RFC5: variants seen among roughly 807,000 people sequenced by gnomAD.
RFC5 encodes the protein replication factor C subunit 5.
RFC5 carries 26 observed loss-of-function variants against 44.3 expected under a neutral mutation model. The observed-to-expected ratio is 0.59, with a 90% CI of 0.43 to 0.81. The LOEUF (loss-of-function observed/expected upper bound fraction) is 0.81, where lower values mean the gene tolerates loss of function less well. RFC5 is among the 40% of genes least tolerant of loss of function. The pLI is 0.00. For synonymous variants in RFC5, 155 were observed against 155.2 expected (o/e 1.00, Z 0.01); for missense variants, 328 against 418.6 (o/e 0.78, Z 1.89).
intron 6 of RFC5, 96 bp from the exon 7 acceptor site, chr12:118,025,651 C>G (rs1439152478): frequency 2.6e-6 from 2 of 754,724 alleles, no homozygotes. Flanking sequence ...TCCTTCATCC[C>G]TTTAAAGCCT....
downstream of RFC5, chr12:118,035,126 C>T: frequency 6.2e-7 from 1 of 1,613,286 alleles, no homozygotes; most frequent in Non-Finnish European, 8.5e-7. Context: ...TGGATATTAG[C>T]TGACCCAGGG....
chr12:118,034,774 C>T, downstream of RFC5: 1 of 574,298 alleles, frequency 1.7e-6, no homozygotes, highest in Non-Finnish European at 3.0e-6. Context: ...GGTGGCATGA[C>T]TTACAGATCT....
chr12:118,025,607 T>C (rs1593447301), intron 6 of RFC5, 140 bp from the exon 7 acceptor site: 1 of 600,386 alleles, frequency 1.7e-6, no homozygotes, highest in East Asian at 2.8e-5. Flanking sequence ...CTAGATCATA[T>C]AGATCAGGAG....
chr12:118,027,040 T>C (rs2030996234), intron 8 of RFC5, 22 bp downstream of exon 8: 1 of 1,601,838 alleles, frequency 6.2e-7, no homozygotes, highest in Non-Finnish European at 8.5e-7. Context: ...CATGACCTCC[T>C]GGCCACCGAG....
intron 1 of RFC5, 99 bp from the exon 2 acceptor site, chr12:118,018,973 A>G (rs1343565046): frequency 1.1e-6 from 1 of 889,678 alleles, no homozygotes; most frequent in African/African-American, 1.7e-5. Context: ...TGCTGGGATT[A>G]CAGGCATGAG....
chr12:118,035,390 C>G, downstream of RFC5: 1 of 1,477,756 alleles, frequency 6.8e-7, no homozygotes. Flanking sequence ...CCATCATCAC[C>G]CTAGGCAGGA....
chr12:118,034,270 G>C, downstream of RFC5: 2 of 1,614,188 alleles, frequency 1.2e-6, no homozygotes, highest in Non-Finnish European at 1.7e-6. Flanking sequence ...TAAGTTGTTA[G>C]GAAACTTCGA....
At chr12:118,039,605 A>G in the RFC5 span, among the ~76,000 whole-genome samples, 2 of 152,194 alleles carry the variant, frequency 1.3e-5, no homozygotes, top group South Asian at 2.1e-4. Flanking sequence ...CAGGGAGGGC[A>G]AGAGAGAGAA....
intron 6 of RFC5, chr12:118,025,434 G>A (rs1309216568): frequency 5.6e-6 from 2 of 354,480 alleles, no homozygotes; most frequent in African/African-American, 2.0e-5. Flanking sequence ...AGTTTCGGCT[G>A]TGTGATCATG....
the RFC5 span, among the ~76,000 whole-genome samples, chr12:118,038,729 A>G: frequency 2.6e-5 from 4 of 152,112 alleles, no homozygotes; most frequent in African/African-American, 9.7e-5. Flanking sequence ...CTCCCAGACT[A>G]GAATACAGTG....
chr12:118,040,346 C>T, the RFC5 span, among the ~76,000 whole-genome samples: 1 of 152,166 alleles, frequency 6.6e-6, no homozygotes, highest in Non-Finnish European at 1.5e-5. Flanking sequence ...ATCCCGCCCA[C>T]TCTTGGTCAC....
At chr12:118,035,347 G>A (rs1432631400), downstream of RFC5, 2 of 1,607,032 alleles carry the variant, frequency 1.2e-6, no homozygotes, top group East Asian at 2.2e-5. Flanking sequence ...GAAACAGGAT[G>A]GCAGGCCTGG....
chr12:118,016,933 A>C lies in RFC5; in HGVS notation c.65+41A>C, dbSNP rs768919404. ...GCGGCGGCGGTGGGCAGAGGGGGCCAGGCGGCCGCGCGGGGAGGAGGTGGC... is the reference window on the plus strand; with the variant it reads ...GCGGCGGCGGTGGGCAGAGGGGGCCCGGCGGCCGCGCGGGGAGGAGGTGGC... On this transcript the variant is annotated intron_variant, in intron 1 of 10. Transcript: ENST00000454402. 6.2e-5 allele frequency: 97 copies of C among 1,555,296 alleles called. 3 individuals are homozygous for C. The South Asian group carries it at 1.0e-3, about 17-fold the overall frequency.
the RFC5 span, among the ~76,000 whole-genome samples, chr12:118,039,744 A>AT: frequency 5.6e-4 from 85 of 151,104 alleles, 1 homozygote; most frequent in East Asian, 0.011. Context: ...TTTCTTTTTT[A>AT]TTTTTTTTTA....
At chr12:118,029,273 C>A (rs1593453319) in intron 9 of RFC5, among the ~76,000 whole-genome samples, 1 of 119,400 alleles carries the variant, frequency 8.4e-6, no homozygotes, top group Non-Finnish European at 2.0e-5. Flanking sequence ...TACAAAACAG[C>A]CAGGCAAGGT....
chr12:118,035,197 A>G, downstream of RFC5: 1 of 1,613,964 alleles, frequency 6.2e-7, no homozygotes, highest in Non-Finnish European at 8.5e-7. Flanking sequence ...CCATGTAAAG[A>G]GAGTTCTCTT....
Position 118,019,729 on chromosome 12 carries a change from G to A in RFC5, c.228G>A (p.Gln76=). ...KTSTILACAK[Q]LYKDKEFGSM... is the part of the protein sequence containing the mutation. ...CTACCATCCTAGCCTGTGCGAAACAGCTATATAAAGACAAAGAATTTGGCT... is the reference window on the plus strand; with the variant it reads ...CTACCATCCTAGCCTGTGCGAAACAACTATATAAAGACAAAGAATTTGGCT... The change falls in exon 3 of 11, where the codon CAG becomes CAA. Residue 76 remains glutamine, a synonymous_variant. Transcript: ENST00000454402. The surrounding 1 kb of genome is among the most constrained non-coding windows in gnomAD (Gnocchi z 4.2). The A allele has an allele frequency of 6.2e-7, 1 of 1,614,018 alleles. No homozygotes were observed. The highest frequency in any genetic ancestry group is 8.5e-7 in the Non-Finnish European group (1 of 1,179,944).
intron 5 of RFC5, among the ~76,000 whole-genome samples, chr12:118,023,505 G>C (rs1394732541): frequency 6.9e-6 from 1 of 144,246 alleles, no homozygotes; most frequent in South Asian, 2.3e-4. Context: ...GAGGAGAGGT[G>C]GGGGAGGAGG....
rs571341763 is a variant in RFC5 at position 118,023,309 on chromosome 12, A to G, written c.421+950A>G. 6.6e-5 allele frequency among the ~76,000 whole-genome samples: 10 copies of G among 150,680 alleles called. No homozygotes were observed. The South Asian group carries it at 1.9e-3, about 29-fold the overall frequency. On this transcript the variant is annotated intron_variant, in intron 5 of 10. Transcript: ENST00000454402. ...CTTGTCATCTCTCATTAAGATTCCA[A>G]GTGAATCAGCTTTGAGAGAAGAACG...
Sources: allele counts gnomAD v4.1 joint callset (sites outside exome capture counted in the v4.1 genomes callset), GRCh38; gene constraint gnomAD v4.1.1; non-coding constraint Gnocchi (gnomAD v3.1); transcripts MANE v1.5; gene names NCBI Gene and HGNC (gene_info 2026-07-23, HGNC 2026-07-21).